KIF26B: variants seen among roughly 807,000 people sequenced by gnomAD.
The protein encoded by KIF26B is kinesin family member 26B.
Under a neutral mutation model 151.2 loss-of-function variants are expected in KIF26B, and 63 were observed. That is an observed-to-expected ratio of 0.42 (90% CI 0.34 to 0.51). The LOEUF is 0.51. Among genes scored for constraint, KIF26B ranks in the 20% least tolerant of loss-of-function variants. The pLI, the probability that KIF26B is intolerant of heterozygous loss-of-function variation, is 0.07. For synonymous variants in KIF26B, 1,357 were observed against 1,262.1 expected, an observed-to-expected ratio of 1.08 and a Z score of -1.59; for missense variants, 2,813 against 2,913.6, an observed-to-expected ratio of 0.97 and a Z score of 0.79.
intron 4 of KIF26B, among the ~76,000 whole-genome samples, chr1:245,470,227 C>A (rs1287646904): frequency 6.6e-6 from 1 of 151,868 alleles, no homozygotes; most frequent in Non-Finnish European, 1.5e-5. Flanking sequence ...TTTTAAGTGC[C>A]AGGGGCCTGG....
intron 4 of KIF26B, among the ~76,000 whole-genome samples, chr1:245,487,854 T>C (rs910047683): frequency 6.6e-6 from 1 of 151,518 alleles, no homozygotes; most frequent in Non-Finnish European, 1.5e-5. Context: ...AGTGGCGCGA[T>C]ATCGGCTCAC....
At chr1:245,622,281 C>A (rs754033640) in intron 9 of KIF26B, among the ~76,000 whole-genome samples, 20 of 152,300 alleles carry the variant, frequency 1.3e-4, no homozygotes, top group Non-Finnish European at 1.8e-4. Flanking sequence ...GTAAAAAGTT[C>A]TTTGCCATAG....
chr1:245,199,989 A>G (rs1669269105), intron 2 of KIF26B, among the ~76,000 whole-genome samples: 1 of 152,258 alleles, frequency 6.6e-6, no homozygotes, highest in South Asian at 2.1e-4. Flanking sequence ...ACAGTCTGTC[A>G]GCAGCAAATC....
intron 9 of KIF26B, among the ~76,000 whole-genome samples, chr1:245,643,302 C>T (rs10924272): frequency 0.089 from 13,448 of 151,700 alleles, 682 homozygotes; most frequent in African/African-American, 0.13. Context: ...CTCTTTTTTG[C>T]TTTCTTTTGG....
intron 2 of KIF26B, among the ~76,000 whole-genome samples, chr1:245,280,698 C>T (rs1356613830): frequency 1.8e-4 from 23 of 126,874 alleles, no homozygotes; most frequent in Non-Finnish European, 6.4e-5. Flanking sequence ...TGGTGCGCTG[C>T]ACCCATTAAC....
intron 2 of KIF26B, among the ~76,000 whole-genome samples, chr1:245,252,687 G>C (rs1319365092): frequency 3.3e-5 from 5 of 151,214 alleles, no homozygotes; most frequent in African/African-American, 1.2e-4. Flanking sequence ...TGTCATAATT[G>C]CAGATAATAT....
rs879505536 is a variant in KIF26B at position 245,705,723 on chromosome 1, G to C, written c.*3117G>C. On this transcript the variant is annotated 3_prime_UTR_variant, in exon 15 of 15. Transcript: ENST00000407071. ...CGGAGCAAAACTAAGATCTAAGAAC[G>C]GGCGGTGGTGCTATTGTGTCCCTGG... 6 of 152,202 alleles carry C rather than the reference G, an allele frequency of 3.9e-5. No individual in the cohort carries two copies. The highest frequency in any genetic ancestry group is 7.3e-5 in the Non-Finnish European group (5 of 68,042). The allele number at this position is 152,202 out of a possible 1,614,324, so 9.4% of individuals were successfully genotyped here. A position where few individuals can be genotyped will look rare whatever the true frequency, so the allele number is the denominator to read the frequency against.
intron 9 of KIF26B, among the ~76,000 whole-genome samples, chr1:245,621,380 T>C (rs554225032): frequency 6.6e-6 from 1 of 152,296 alleles, no homozygotes; most frequent in East Asian, 1.9e-4. Context: ...TGGGATATTA[T>C]AGGAATTAAG....
rs182524830 is a variant in KIF26B, at chr1:245,505,126, C to T, written c.1167-35641C>T. Among the ~76,000 whole-genome samples, 309 of 151,558 alleles carry T rather than the reference C, an allele frequency of 2.0e-3. 3 individuals carry two copies. Among genetic ancestry groups the T allele is most frequent in the African/African-American group, 6.9e-3 (286 of 41,344 alleles). The stretch of plus-strand genomic sequence containing the variant: ...GCTAATTTTTGTATTTTAGTAGAGA[C>T]GGGGTTTCACCATGTTGGCCAGGCT... On this transcript the variant is annotated intron_variant, in intron 4 of 14. Coordinates refer to ENST00000407071, the MANE Select transcript of KIF26B (RefSeq NM_018012.4).
chr1:245,197,661 T>A lies in KIF26B; in HGVS notation c.465+40978T>A, dbSNP rs183501950. On this transcript the variant is annotated intron_variant, in intron 2 of 14. Transcript: ENST00000407071. ...ATTTGATATAAAAATGTATGAGTAA[T>A]ACATGCTGATTATAAAGAATGAAAA... Among the ~76,000 whole-genome samples, 614 of 152,254 alleles carry A rather than the reference T, an allele frequency of 4.0e-3. 6 individuals are homozygous for A. The highest frequency in any genetic ancestry group is 6.8e-3 in the Middle Eastern group (2 of 292).
At chr1:245,655,781 T>C (rs955173613) in intron 10 of KIF26B, among the ~76,000 whole-genome samples, 4 of 152,250 alleles carry the variant, frequency 2.6e-5, no homozygotes, top group Admixed American at 1.3e-4. Context: ...GGTATGTTTT[T>C]AATGCTGGAG....
At chr1:245,385,462 G>A (rs891937642) in intron 3 of KIF26B, among the ~76,000 whole-genome samples, 1 of 152,216 alleles carries the variant, frequency 6.6e-6, no homozygotes, top group African/African-American at 2.4e-5. Context: ...ATCATGCTTA[G>A]AACCAGGCGT....
At chr1:245,557,947 C>T (rs369470521) in intron 5 of KIF26B, among the ~76,000 whole-genome samples, 12 of 152,046 alleles carry the variant, frequency 7.9e-5, no homozygotes, top group Admixed American at 1.3e-4. Context: ...GTTTCAGGAG[C>T]GAGAAATCCA....
chr1:245,214,385 T>C (rs191713122), intron 2 of KIF26B, among the ~76,000 whole-genome samples: 14 of 151,796 alleles, frequency 9.2e-5, no homozygotes, highest in Non-Finnish European at 1.8e-4. Flanking sequence ...TAAAAACATT[T>C]TTTTAATATC....
At chr1:245,296,455 A>T (rs999038142) in intron 2 of KIF26B, among the ~76,000 whole-genome samples, 2 of 152,040 alleles carry the variant, frequency 1.3e-5, no homozygotes, top group Non-Finnish European at 2.9e-5. Context: ...GAGTGGGGAT[A>T]TAAGGGCCCC....
chr1:245,311,752 G>A (rs1414967061), intron 2 of KIF26B, among the ~76,000 whole-genome samples: 4 of 152,134 alleles, frequency 2.6e-5, no homozygotes, highest in African/African-American at 7.2e-5. Flanking sequence ...GGGCAACATG[G>A]GGAAACCCTG....
rs139531517 is a variant in KIF26B, at chr1:245,472,678, G to A, written c.1166+52933G>A. On this transcript the variant is annotated intron_variant, in intron 4 of 14. Transcript: ENST00000407071. The stretch of plus-strand genomic sequence containing the variant: ...GAGAGAGAAATAAGTGGCTGCCGTG[G>A]TTGGCCGTCTTTCTCTGGCTCACTT... Among the ~76,000 whole-genome samples, 344 of 152,334 alleles carry A rather than the reference G, an allele frequency of 2.3e-3. 1 individual carries two copies. The highest frequency in any genetic ancestry group is 6.0e-3 in the South Asian group (29 of 4,828).
intron 2 of KIF26B, among the ~76,000 whole-genome samples, chr1:245,228,992 G>A (rs1002682323): frequency 3.9e-5 from 6 of 151,980 alleles, no homozygotes; most frequent in African/African-American, 1.4e-4. Context: ...TTTGAGACAG[G>A]GTCTCGTTCT....
At chr1:245,631,222 C>G (rs2043778122) in intron 9 of KIF26B, among the ~76,000 whole-genome samples, 1 of 152,140 alleles carries the variant, frequency 6.6e-6, no homozygotes. Flanking sequence ...AAAAAAAAGG[C>G]TTTTAGCTTT....
Sources: gnomAD v4.1 joint callset for allele counts (sites outside exome capture counted in the v4.1 genomes callset) on GRCh38, gnomAD v4.1.1 for gene constraint, MANE v1.5 for transcripts, NCBI Gene and HGNC (gene_info 2026-07-23, HGNC 2026-07-21) for gene names.